MYO3B: variants seen among roughly 807,000 people sequenced by gnomAD.
The protein encoded by MYO3B is myosin-IIIb.
A neutral mutation model predicts 174.6 loss-of-function variants in MYO3B; 156 were observed. The ratio of observed to expected loss-of-function variants is 0.89; its 90% CI spans 0.78 to 1.02. MYO3B has a LOEUF of 1.02. Among genes scored for constraint, MYO3B ranks in the 50% least tolerant of loss-of-function variants. MYO3B has a pLI of 0.00. For synonymous variants in MYO3B, 563 were observed against 569.1 expected (o/e 0.99, Z 0.15); for missense variants, 1,632 against 1,639.4 (o/e 1.00, Z 0.08).
At chr2:170,404,646 T>C (rs547068761) in intron 20 of MYO3B, among the ~76,000 whole-genome samples, 1 of 152,296 alleles carries the variant, frequency 6.6e-6, no homozygotes, top group South Asian at 2.1e-4. Context: ...ATTACCCCCA[T>C]GTTGATTTCA....
intron 7 of MYO3B, among the ~76,000 whole-genome samples, chr2:170,244,147 G>T (rs1330206975): frequency 6.6e-6 from 1 of 152,102 alleles, no homozygotes; most frequent in Non-Finnish European, 1.5e-5. Flanking sequence ...TTTTGTGCTC[G>T]GTTGATGAGT....
chr2:170,571,872 T>A (rs1692458936), intron 32 of MYO3B, among the ~76,000 whole-genome samples: 1 of 152,218 alleles, frequency 6.6e-6, no homozygotes, highest in African/African-American at 2.4e-5. Context: ...TTCAACAACT[T>A]TTTAAGGCAG....
chr2:170,499,935 CTTCCTTCCTTCCTTCT>C (rs1202746123), intron 27 of MYO3B, 127 bp downstream of exon 27: 60 of 659,114 alleles, frequency 9.1e-5, no homozygotes, highest in East Asian at 6.5e-4. Context: ...CCCTCCCTCC[CTTCCTTCCTTCCTTCT>C]TTCCTTCCTT....
intron 32 of MYO3B, among the ~76,000 whole-genome samples, chr2:170,633,418 C>T (rs190855720): frequency 1.6e-4 from 25 of 152,302 alleles, no homozygotes; most frequent in African/African-American, 4.1e-4. Flanking sequence ...TATAATTCAA[C>T]AGCGCTTCAT....
intron 28 of MYO3B, among the ~76,000 whole-genome samples, chr2:170,510,650 T>A (rs991364925): frequency 1.3e-5 from 2 of 151,190 alleles, no homozygotes; most frequent in African/African-American, 2.4e-5. Context: ...CAATGACTGG[T>A]GTCCTTATAA....
intron 32 of MYO3B, 152 bp from the exon 33 acceptor site, chr2:170,651,476 G>C: frequency 1.6e-6 from 1 of 627,028 alleles, no homozygotes; most frequent in Non-Finnish European, 2.8e-6. Flanking sequence ...TATTTTTTAG[G>C]ATGGCATTTC....
chr2:170,551,536 T>A (rs566573486), intron 32 of MYO3B, among the ~76,000 whole-genome samples: 4 of 77,830 alleles, frequency 5.1e-5, no homozygotes, highest in African/African-American at 2.2e-4. Flanking sequence ...CCTGACTTTT[T>A]GCAAAAAAAA....
At chr2:170,363,112 C>T (rs2094173880) in intron 8 of MYO3B, among the ~76,000 whole-genome samples, 1 of 152,066 alleles carries the variant, frequency 6.6e-6, no homozygotes, top group South Asian at 2.1e-4. Context: ...TTGCTCAGAT[C>T]CAAAATGTTT....
At chr2:170,631,120 C>G (rs542614595) in intron 32 of MYO3B, among the ~76,000 whole-genome samples, 1 of 152,012 alleles carries the variant, frequency 6.6e-6, no homozygotes, top group African/African-American at 2.4e-5. Flanking sequence ...GGAGGAAGTT[C>G]GAACCCATCG....
chr2:170,627,266 C>A (rs1265875573), intron 32 of MYO3B, among the ~76,000 whole-genome samples: 1 of 152,010 alleles, frequency 6.6e-6, no homozygotes, highest in Non-Finnish European at 1.5e-5. Context: ...ATTCTTTTTT[C>A]TCTAAACTTC....
chr2:170,625,104 T>C (rs1696293104), intron 32 of MYO3B, among the ~76,000 whole-genome samples: 1 of 152,238 alleles, frequency 6.6e-6, no homozygotes, highest in Admixed American at 6.5e-5. Context: ...GAGGATTTCG[T>C]CTTTTTCCAT....
At chr2:170,440,294 G>A (rs957940563) in intron 22 of MYO3B, among the ~76,000 whole-genome samples, 2 of 152,010 alleles carry the variant, frequency 1.3e-5, no homozygotes, top group African/African-American at 4.8e-5. Flanking sequence ...ATGAATTTTA[G>A]GATATTTTTT....
At chr2:170,268,528 A>C (rs972217662) in intron 7 of MYO3B, among the ~76,000 whole-genome samples, 6 of 152,210 alleles carry the variant, frequency 3.9e-5, no homozygotes, top group Non-Finnish European at 8.8e-5. Context: ...GCTTTTCTAG[A>C]TAGTCATTTA....
intron 6 of MYO3B, among the ~76,000 whole-genome samples, chr2:170,234,236 C>G (rs2093047070): frequency 6.6e-6 from 1 of 150,754 alleles, no homozygotes. Flanking sequence ...TAATCTGTTT[C>G]ATGCTGCTAT....
intron 28 of MYO3B, among the ~76,000 whole-genome samples, chr2:170,507,517 A>G (rs1687687796): frequency 6.6e-6 from 1 of 152,004 alleles, no homozygotes; most frequent in South Asian, 2.1e-4. Flanking sequence ...CTCCTGCCTC[A>G]GCCTCCCAAG....
chr2:170,435,776 T>G (rs2094748941), intron 22 of MYO3B, among the ~76,000 whole-genome samples: 1 of 152,222 alleles, frequency 6.6e-6, no homozygotes, highest in African/African-American at 2.4e-5. Context: ...TCGGAAAATT[T>G]CTCAAACAAA....
At chr2:170,404,185 G>T in intron 19 of MYO3B, 62 bp from the exon 20 acceptor site, 3 of 1,499,418 alleles carry the variant, frequency 2.0e-6, no homozygotes, top group Non-Finnish European at 2.7e-6. Flanking sequence ...CCATGTCAAA[G>T]TATCCTGGTG....
At chr2:170,205,915 T>C (rs1486519494) in intron 3 of MYO3B, among the ~76,000 whole-genome samples, 1 of 152,140 alleles carries the variant, frequency 6.6e-6, no homozygotes, top group South Asian at 2.1e-4. Flanking sequence ...ATGGGTAGTA[T>C]ACAGGTATAT....
chr2:170,448,857 T>C (rs1398702791), intron 23 of MYO3B, among the ~76,000 whole-genome samples: 1 of 152,130 alleles, frequency 6.6e-6, no homozygotes, highest in African/African-American at 2.4e-5. Context: ...TAAATCATAG[T>C]AGGTCAAATT....
Sources: allele counts gnomAD v4.1 joint callset (sites outside exome capture counted in the v4.1 genomes callset), GRCh38; gene constraint gnomAD v4.1.1; transcripts MANE v1.5; gene names NCBI Gene and HGNC (gene_info 2026-07-23, HGNC 2026-07-21).